Variants in UBE2E2 observed in about 807,000 individuals in gnomAD.
UBE2E2 encodes the protein ubiquitin-conjugating enzyme E2 E2.
A neutral mutation model predicts 24.7 loss-of-function variants in UBE2E2; 6 were observed. The observed-to-expected ratio is 0.24, with a 90% confidence interval of 0.13 to 0.48. The LOEUF is 0.48. Among genes scored for constraint, UBE2E2 ranks in the 20% least tolerant of loss-of-function variants. The pLI, the probability that UBE2E2 is intolerant of heterozygous loss-of-function variation, is 0.99. For missense variants in UBE2E2, 169 were observed against 245.0 expected, an observed-to-expected ratio of 0.69 and a Z score of 2.07; for synonymous variants, 104 against 83.6, an observed-to-expected ratio of 1.24 and a Z score of -1.33.
intron 3 of UBE2E2, among the ~76,000 whole-genome samples, chr3:23,441,273 C>G (rs985965962): frequency 6.6e-6 from 1 of 151,152 alleles, no homozygotes; most frequent in Non-Finnish European, 1.5e-5. Flanking sequence ...GTAATCCCAG[C>G]CAGTACTTTG....
intron 3 of UBE2E2, among the ~76,000 whole-genome samples, chr3:23,490,169 A>T (rs1699466262): frequency 6.6e-6 from 1 of 152,180 alleles, no homozygotes; most frequent in Non-Finnish European, 1.5e-5. Context: ...TCTGTGTTAT[A>T]AAAAAATTGA....
At chr3:23,328,159 GAA>G (rs1206685120) in intron 3 of UBE2E2, among the ~76,000 whole-genome samples, 1 of 151,954 alleles carries the variant, frequency 6.6e-6, no homozygotes, top group African/African-American at 2.4e-5. Flanking sequence ...CAATAAAAAA[GAA>G]AAGAAATATG....
chr3:23,428,387 A>G (rs1697979009), intron 3 of UBE2E2, among the ~76,000 whole-genome samples: 1 of 152,222 alleles, frequency 6.6e-6, no homozygotes, highest in Non-Finnish European at 1.5e-5. Flanking sequence ...GTGGGATGCA[A>G]CGAAAACAGT....
chr3:23,532,158 G>A (rs937020469), intron 4 of UBE2E2, among the ~76,000 whole-genome samples: 2 of 151,728 alleles, frequency 1.3e-5, no homozygotes, highest in Middle Eastern at 3.4e-3. Flanking sequence ...TATTATAAAT[G>A]TACAAAATCC....
At chr3:23,438,963 C>T (rs1698239126) in intron 3 of UBE2E2, among the ~76,000 whole-genome samples, 1 of 152,154 alleles carries the variant, frequency 6.6e-6, no homozygotes, top group African/African-American at 2.4e-5. Context: ...CAACACACTA[C>T]ATAATGGTTA....
chr3:23,434,268 C>CA (rs968930732), intron 3 of UBE2E2, among the ~76,000 whole-genome samples: 5 of 151,256 alleles, frequency 3.3e-5, no homozygotes, highest in African/African-American at 9.7e-5. Flanking sequence ...AGCCAAAGAG[C>CA]AAAAAAAAGA....
At chr3:23,483,973 C>T (rs775281494) in intron 3 of UBE2E2, among the ~76,000 whole-genome samples, 4 of 152,212 alleles carry the variant, frequency 2.6e-5, no homozygotes, top group Non-Finnish European at 5.9e-5. Flanking sequence ...GAGCAGCGAA[C>T]TTAATGACCC....
chr3:23,329,383 C>A (rs1375189387), intron 3 of UBE2E2, among the ~76,000 whole-genome samples: 1 of 152,036 alleles, frequency 6.6e-6, no homozygotes, highest in Non-Finnish European at 1.5e-5. Flanking sequence ...TTTGAATGTT[C>A]TGGAAACAGT....
intron 3 of UBE2E2, among the ~76,000 whole-genome samples, chr3:23,355,131 A>G (rs1334190274): frequency 6.6e-6 from 1 of 151,892 alleles, no homozygotes; most frequent in African/African-American, 2.4e-5. Flanking sequence ...TCACAAGGAC[A>G]GAAAAACAAA....
At chr3:23,292,482 T>C (rs530366660) in intron 3 of UBE2E2, among the ~76,000 whole-genome samples, 67 of 152,274 alleles carry the variant, frequency 4.4e-4, no homozygotes, top group Admixed American at 2.9e-3. Flanking sequence ...TGACACTACA[T>C]AGGGCCCAAG....
chr3:23,560,438 T>G (rs1301011196), intron 5 of UBE2E2, among the ~76,000 whole-genome samples: 3 of 152,176 alleles, frequency 2.0e-5, no homozygotes, highest in Admixed American at 6.5e-5. Context: ...AGTGTATATG[T>G]GCCACATTTT....
chr3:23,444,122 T>G (rs964209681), intron 3 of UBE2E2, among the ~76,000 whole-genome samples: 2 of 149,622 alleles, frequency 1.3e-5, no homozygotes, highest in African/African-American at 5.0e-5. Flanking sequence ...AAAATATGAC[T>G]TATGTCCCTC....
At chr3:23,513,058 G>A (rs1269453475) in intron 4 of UBE2E2, among the ~76,000 whole-genome samples, 1 of 152,008 alleles carries the variant, frequency 6.6e-6, no homozygotes, top group Non-Finnish European at 1.5e-5. Context: ...TATCTCTGTG[G>A]ATAAAACATT....
chr3:23,493,202 T>G (rs535363561), intron 3 of UBE2E2, among the ~76,000 whole-genome samples: 1 of 152,310 alleles, frequency 6.6e-6, no homozygotes, highest in East Asian at 1.9e-4. Context: ...AAACTCTTGG[T>G]CTTAGAATCA....
chr3:23,419,015 A>G (rs944661597), intron 3 of UBE2E2, among the ~76,000 whole-genome samples: 9 of 149,496 alleles, frequency 6.0e-5, no homozygotes, highest in Non-Finnish European at 3.0e-5. Flanking sequence ...CTGCTGTGGC[A>G]TGATCATGAC....
chr3:23,562,747 G>A (rs1324704303), intron 5 of UBE2E2, among the ~76,000 whole-genome samples: 2 of 152,070 alleles, frequency 1.3e-5, no homozygotes, highest in Non-Finnish European at 2.9e-5. Context: ...CAATTTCAGA[G>A]CCTGTTATTG....
chr3:23,348,378 G>C lies in UBE2E2; in HGVS notation c.227+131066G>C, dbSNP rs931938701. On this transcript the variant is annotated intron_variant, in intron 3 of 5. Transcript: ENST00000396703. ...AAAAAAAAAAAAGAATAGTCCATAG[G>C]CTAAAGCTTATTGCTAGGGTTACCA... Among the ~76,000 whole-genome samples, 23 of 147,118 alleles carry C rather than the reference G, an allele frequency of 1.6e-4. No homozygotes were observed. In the Admixed American group the frequency reaches 1.6e-3, roughly 10 times the overall value.
At chr3:23,559,430 A>G (rs1314876131) in intron 5 of UBE2E2, among the ~76,000 whole-genome samples, 1 of 152,150 alleles carries the variant, frequency 6.6e-6, no homozygotes, top group Middle Eastern at 3.2e-3. Context: ...CTCTATCAGA[A>G]AGACTATACT....
rs62255348 is a variant in UBE2E2 at position 23,306,326 on chromosome 3, C to T, written c.227+89014C>T. On this transcript the variant is annotated intron_variant, in intron 3 of 5. Coordinates refer to ENST00000396703, the MANE Select transcript of UBE2E2 (RefSeq NM_152653.4). Reference sequence around the variant, plus strand: ...ATGTATGTCCAGGAATTGAAATAGGCCTCCGTGGAAAGAAATACAATTATT... The same window carrying T: ...ATGTATGTCCAGGAATTGAAATAGGTCTCCGTGGAAAGAAATACAATTATT... Among the ~76,000 whole-genome samples the T allele has an allele frequency of 6.0e-3, 910 of 152,200 alleles. 10 individuals carry two copies. The highest frequency in any genetic ancestry group is 9.8e-3 in the Non-Finnish European group (669 of 68,010).
Sources: allele counts gnomAD v4.1 joint callset (sites outside exome capture counted in the v4.1 genomes callset), GRCh38; gene constraint gnomAD v4.1.1; transcripts MANE v1.5; gene names NCBI Gene and HGNC (gene_info 2026-07-23, HGNC 2026-07-21).